The following HPSE variants were observed in gnomAD, a reference collection of about 807,000 sequenced individuals.
HPSE encodes endo-glucoronidase.
Under a neutral mutation model 65.1 loss-of-function variants are expected in HPSE, and 48 were observed. That is an observed-to-expected ratio of 0.74 (90% CI 0.58 to 0.94). HPSE has a LOEUF of 0.94. HPSE is among the 40% of genes least tolerant of loss of function. The pLI is 0.00. For missense variants in HPSE, 644 were observed against 637.5 expected (o/e 1.01, Z -0.11); for synonymous variants, 243 against 260.0 (o/e 0.93, Z 0.63).
Position 83,332,719 on chromosome 4 carries a change from T to G in HPSE, c.227+1837A>C, listed in dbSNP as rs375721882. 1.1e-4 allele frequency among the ~76,000 whole-genome samples: 17 copies of G among 152,322 alleles called. No homozygotes were observed. The East Asian group carries it at 3.1e-3, about 28-fold the overall frequency. ...GGGGTGTTAGTCAATTGCGGGGAGCTTGACTGCTGGGTGATCAGGCCCAGA... is the reference window on the plus strand; with the variant it reads ...GGGGTGTTAGTCAATTGCGGGGAGCGTGACTGCTGGGTGATCAGGCCCAGA... On this transcript the variant is annotated intron_variant, in intron 1 of 11. Transcript: ENST00000311412.
Position 83,313,216 on chromosome 4 carries a change from A to G in HPSE, c.571T>C (p.Leu191=). 1 of 1,613,918 alleles carries G rather than the reference A, an allele frequency of 6.2e-7. No homozygotes were observed. Among genetic ancestry groups the G allele is most frequent in the South Asian group, 1.1e-5 (1 of 91,076 alleles). The change falls in exon 4 of 12, where the codon TTA becomes CTA. Residue 191 remains leucine, a synonymous_variant. Coordinates refer to ENST00000311412, the MANE Select transcript of HPSE (RefSeq NM_001098540.3). ...CACTGCAAATCTGCTGTTCTTAATA[A>G]CGCATTTAGGCCAAAGATCAAGTCC... ...GLDLIFGLNA[L]LRTADLQWNS... is the part of the protein sequence containing the mutation.
chr4:83,327,408 T>A (rs1343665729), intron 1 of HPSE, among the ~76,000 whole-genome samples: 1 of 152,124 alleles, frequency 6.6e-6, no homozygotes, highest in Non-Finnish European at 1.5e-5. Flanking sequence ...ATTGACGCCC[T>A]CTGACAAAAA....
At chr4:83,330,697 A>G (rs1737326538) in intron 1 of HPSE, among the ~76,000 whole-genome samples, 1 of 152,248 alleles carries the variant, frequency 6.6e-6, no homozygotes, top group Non-Finnish European at 1.5e-5. Flanking sequence ...GCAAATTGCA[A>G]TGAAAAGCAA....
At chr4:83,313,011 G>A (rs1736469780) in intron 4 of HPSE, 103 bp downstream of exon 4, 1 of 817,808 alleles carries the variant, frequency 1.2e-6, no homozygotes, top group Non-Finnish European at 1.8e-6. Context: ...AGCAGTGCGA[G>A]ACTCTGTCTC....
chr4:83,311,384 T>C (rs1736370076), intron 4 of HPSE, among the ~76,000 whole-genome samples: 1 of 152,152 alleles, frequency 6.6e-6, no homozygotes, highest in African/African-American at 2.4e-5. Context: ...AAATTTTAAC[T>C]GTATAACTGA....
At chr4:83,333,548 T>C (rs1043322346) in intron 1 of HPSE, among the ~76,000 whole-genome samples, 9 of 152,210 alleles carry the variant, frequency 5.9e-5, no homozygotes, top group African/African-American at 2.2e-4. Context: ...TGGCCATCTC[T>C]GGAGGCTCCC....
chr4:83,317,426 A>G (rs1736697267), intron 3 of HPSE, among the ~76,000 whole-genome samples: 1 of 152,238 alleles, frequency 6.6e-6, no homozygotes, highest in African/African-American at 2.4e-5. Context: ...TTCTGTTTCC[A>G]TGACGTGCCC....
At chr4:83,333,596 C>T (rs1196027140) in intron 1 of HPSE, among the ~76,000 whole-genome samples, 1 of 152,172 alleles carries the variant, frequency 6.6e-6, no homozygotes, top group African/African-American at 2.4e-5. Flanking sequence ...CTGGGATTGT[C>T]CCTGTAGCTC....
In HPSE at chr4:83,310,748, T is replaced by G; in HGVS notation, c.816A>C (p.Arg272=). 1.9e-6 allele frequency: 3 copies of G among 1,613,380 alleles called. No individual in the cohort carries two copies. Among genetic ancestry groups the G allele is most frequent in the Non-Finnish European group, 2.5e-6 (3 of 1,179,794 alleles). The change falls in exon 5 of 12, where the codon CGA becomes CGC. Residue 272 remains arginine (R), a synonymous_variant. Coordinates refer to ENST00000311412, the MANE Select transcript of HPSE (RefSeq NM_001098540.3). ...KLYGPDVGQP[R]RKTAKMLKSF... The stretch of plus-strand genomic sequence containing the variant: ...TCTTCAGCATCTTAGCCGTCTTTCT[T>G]CGAGGCTGACCAACATCAGGACCAT...
chr4:83,331,659 G>T (rs902825259), intron 1 of HPSE, among the ~76,000 whole-genome samples: 2 of 152,146 alleles, frequency 1.3e-5, no homozygotes, highest in African/African-American at 4.8e-5. Context: ...GTGGAGTTGG[G>T]CTGTACACAA....
At chr4:83,314,257 C>CAAAAAAAAA (rs11347608) in intron 3 of HPSE, among the ~76,000 whole-genome samples, 3 of 98,248 alleles carry the variant, frequency 3.1e-5, no homozygotes, top group African/African-American at 1.3e-4. Context: ...GATCCTGTCT[C>CAAAAAAAAA]AAAAAAAAAA....
Position 83,292,523 on chromosome 4 carries a change from T to A in HPSE, c.*2821A>T, listed in dbSNP as rs1355126918. The A allele has an allele frequency of 6.6e-6, 1 of 152,236 alleles. No homozygotes were observed. Among genetic ancestry groups the A allele is most frequent in the Non-Finnish European group, 1.5e-5 (1 of 68,040 alleles). 9.4% of individuals were successfully genotyped at this position (152,236 alleles called of 1,614,324 possible). A position where few individuals can be genotyped will look rare whatever the true frequency, so the allele number is the denominator to read the frequency against. On this transcript the variant is annotated 3_prime_UTR_variant, in exon 12 of 12. Transcript: ENST00000311412. ...ATATAAAAACCACTTACATATAAAA[T>A]TTAAGAGTATTGAAAGATCTAAAAT...
chr4:83,312,277 G>A (rs2126188808), intron 4 of HPSE, among the ~76,000 whole-genome samples: 1 of 152,296 alleles, frequency 6.6e-6, no homozygotes, highest in East Asian at 1.9e-4. Flanking sequence ...AGCAATAATA[G>A]GTTCTGGAAT....
intron 10 of HPSE, 131 bp downstream of exon 10, chr4:83,302,019 A>G: frequency 3.7e-6 from 2 of 536,718 alleles, no homozygotes; most frequent in Non-Finnish European, 6.7e-6. Flanking sequence ...AAATCGTTGT[A>G]TAAAACTTTA....
intron 8 of HPSE, 118 bp downstream of exon 8, chr4:83,308,727 G>T: frequency 1.4e-6 from 1 of 722,430 alleles, no homozygotes; most frequent in South Asian, 1.7e-5. Context: ...ATGAATTTTG[G>T]GGCTCAGCCA....
At chr4:83,322,076 T>G in intron 2 of HPSE, 143 bp downstream of exon 2, 1 of 526,630 alleles carries the variant, frequency 1.9e-6, no homozygotes, top group Non-Finnish European at 3.1e-6. Flanking sequence ...CTCCTCTTGT[T>G]CAGATTCCTC....
intron 1 of HPSE, among the ~76,000 whole-genome samples, chr4:83,325,454 C>T (rs1398662659): frequency 6.6e-6 from 1 of 152,156 alleles, no homozygotes; most frequent in East Asian, 1.9e-4. Flanking sequence ...GCATGGGCCA[C>T]CACACCTGGC....
intron 1 of HPSE, among the ~76,000 whole-genome samples, chr4:83,325,803 C>T (rs539459971): frequency 5.9e-5 from 9 of 152,166 alleles, no homozygotes; most frequent in African/African-American, 2.2e-4. Context: ...AAGAATAAAC[C>T]TTATCTAGAT....
At chr4:83,325,130 G>GGTGGGT (rs1737093485) in intron 1 of HPSE, among the ~76,000 whole-genome samples, 1 of 134,172 alleles carries the variant, frequency 7.5e-6, no homozygotes, top group South Asian at 2.6e-4. Flanking sequence ...TATACAACTT[G>GGTGGGT]GTGTGTGTGT....
Sources: allele counts gnomAD v4.1 joint callset (sites outside exome capture counted in the v4.1 genomes callset), GRCh38; gene constraint gnomAD v4.1.1; transcripts MANE v1.5; gene names NCBI Gene and HGNC (gene_info 2026-07-23, HGNC 2026-07-21).